The following IRAK3 variants were observed in gnomAD, a reference collection of about 807,000 sequenced individuals.
IRAK3 encodes interleukin-1 receptor-associated kinase 3.
A neutral mutation model predicts 56.6 loss-of-function variants in IRAK3; 57 were observed. The ratio of observed to expected loss-of-function variants is 1.01; its 90% CI spans 0.81 to 1.26. The LOEUF (loss-of-function observed/expected upper bound fraction) is 1.26, where lower values mean the gene tolerates loss of function less well. Among genes scored for constraint, IRAK3 ranks in the 50% most tolerant of loss-of-function variants. The pLI is 0.00. For missense variants in IRAK3, 703 were observed against 719.0 expected (o/e 0.98, Z 0.25); for synonymous variants, 258 against 255.7 (o/e 1.01, Z -0.09).
At chr12:66,191,762 C>T (rs1044308129) in intron 1 of IRAK3, among the ~76,000 whole-genome samples, 13 of 152,180 alleles carry the variant, frequency 8.5e-5, no homozygotes, top group African/African-American at 2.4e-4. Context: ...ACTTGACCTT[C>T]GAGAGGGGAA....
At position 66,203,746 on chromosome 12, in the gene IRAK3, C is replaced by A. The variant is rs756006063; in HGVS notation, c.169C>A (p.His57Asn). 4.3e-6 allele frequency: 7 copies of A among 1,613,926 alleles called. No individual in the cohort carries two copies. In the East Asian group the frequency reaches 1.3e-4, roughly 31 times the overall value. The change falls in exon 2 of 12, where the codon CAT (histidine) becomes AAT (asparagine). Residue 57 changes from histidine to asparagine, a missense_variant. By Grantham distance (68) the His-to-Asn change is moderately conservative. Coordinates refer to ENST00000261233, the MANE Select transcript of IRAK3 (RefSeq NM_007199.3). ...TTCAAGCAGCTGGCTGGATGTTCGT[C>A]ATATTGAAAAGTATGTAGACCAAGG... ...RLSSSWLDVR[H>N]IEKYVDQGKS...
intron 5 of IRAK3, among the ~76,000 whole-genome samples, chr12:66,214,974 T>G (rs1042972375): frequency 1.3e-5 from 2 of 152,206 alleles, no homozygotes; most frequent in Admixed American, 1.3e-4. Context: ...AGTTTGCAGC[T>G]TGCATTACCG....
intron 1 of IRAK3, among the ~76,000 whole-genome samples, chr12:66,199,929 CTT>C (rs955080331): frequency 3.9e-5 from 6 of 152,138 alleles, no homozygotes; most frequent in Admixed American, 3.9e-4. Flanking sequence ...TTTGGATAGT[CTT>C]TGCCTCTGTG....
intron 8 of IRAK3, among the ~76,000 whole-genome samples, chr12:66,235,991 A>G (rs1386317552): frequency 6.6e-6 from 1 of 152,218 alleles, no homozygotes; most frequent in African/African-American, 2.4e-5. Context: ...GTTCCAAAAG[A>G]CAGTCTCAAG....
At chr12:66,246,522 G>A (rs557673947) in intron 11 of IRAK3, among the ~76,000 whole-genome samples, 5 of 152,178 alleles carry the variant, frequency 3.3e-5, no homozygotes, top group Non-Finnish European at 5.9e-5. Context: ...GACACCACCC[G>A]TGAGAGTTGT....
At chr12:66,208,844 T>C (rs1592582192) in intron 2 of IRAK3, among the ~76,000 whole-genome samples, 1 of 150,902 alleles carries the variant, frequency 6.6e-6, no homozygotes, top group Middle Eastern at 3.5e-3. Flanking sequence ...CAGGCAGATC[T>C]CTTGAGGCCA....
At chr12:66,203,924 AATCTGTAATAGG>A in intron 2 of IRAK3, 31 bp downstream of exon 2, 1 of 1,538,402 alleles carries the variant, frequency 6.5e-7, no homozygotes, top group Non-Finnish European at 9.0e-7. Flanking sequence ...TGTGGCTCTT[AATCTGTAATAGG>A]AACTGTAATT....
chr12:66,198,624 C>T (rs961644529), intron 1 of IRAK3, among the ~76,000 whole-genome samples: 17 of 151,786 alleles, frequency 1.1e-4, no homozygotes, highest in South Asian at 4.1e-4. Context: ...GTAGCAGGAA[C>T]GATTTTAGCT....
chr12:66,235,020 T>C, intron 8 of IRAK3: 1 of 1,613,502 alleles, frequency 6.2e-7, no homozygotes, highest in East Asian at 2.2e-5. Context: ...AAAATTGCGT[T>C]TGTGGAGACT....
chr12:66,247,872 A>T lies in IRAK3; in HGVS notation c.1492A>T (p.Ile498Leu), dbSNP rs765356638. 5 of 1,614,092 alleles carry T rather than the reference A, an allele frequency of 3.1e-6. No homozygotes were observed. The highest frequency in any genetic ancestry group is 1.3e-5 in the African/African-American group (1 of 74,924). Reference sequence around the variant, plus strand: ...ACTACCTTCTGATGAAGGCCTGAGGATAGACAGAATGACTCAGAAAACTCC... The same window carrying T: ...ACTACCTTCTGATGAAGGCCTGAGGTTAGACAGAATGACTCAGAAAACTCC... ...NLLPSDEGLR[I>L]DRMTQKTPFE... Residue 498 changes from isoleucine to leucine, a missense_variant, in exon 12 of 12, where the codon ATA (isoleucine) becomes TTA (leucine). By Grantham distance (5) the Ile-to-Leu change is conservative (BLOSUM62 2). Coordinates refer to ENST00000261233, the MANE Select transcript of IRAK3 (RefSeq NM_007199.3).
At chr12:66,212,064 T>C (rs964165783) in intron 5 of IRAK3, among the ~76,000 whole-genome samples, 3 of 151,186 alleles carry the variant, frequency 2.0e-5, no homozygotes, top group African/African-American at 7.3e-5. Context: ...TGAGCCAAGA[T>C]TGCACCACTG....
intron 1 of IRAK3, among the ~76,000 whole-genome samples, chr12:66,193,077 A>G (rs779040516): frequency 1.3e-5 from 2 of 151,908 alleles, no homozygotes; most frequent in African/African-American, 2.4e-5. Flanking sequence ...GCGCAATCTC[A>G]GTTTACCGCA....
Position 66,250,603 on chromosome 12 carries a change from A to T in IRAK3, c.*2432A>T, listed in dbSNP as rs578065929. 6.6e-6 allele frequency: 1 copy of T among 152,124 alleles called. No individual in the cohort carries two copies. Among genetic ancestry groups the T allele is most frequent in the African/African-American group, 2.4e-5 (1 of 41,498 alleles). The allele number at this position is 152,124 out of a possible 1,614,324, so 9.4% of individuals were successfully genotyped here. On this transcript the variant is annotated 3_prime_UTR_variant, in exon 12 of 12. Coordinates refer to ENST00000261233, the MANE Select transcript of IRAK3 (RefSeq NM_007199.3). ...TCACAAAAGAGATCATCAAGAATTG[A>T]CTCTGTGTTAAACTGTTTTTCACTT...
At chr12:66,229,768 A>G (rs1490299508) in intron 8 of IRAK3, among the ~76,000 whole-genome samples, 1 of 152,156 alleles carries the variant, frequency 6.6e-6, no homozygotes, top group Non-Finnish European at 1.5e-5. Flanking sequence ...CACAACCTAA[A>G]ACAATCCCTC....
At chr12:66,195,978 A>C (rs1592574079) in intron 1 of IRAK3, among the ~76,000 whole-genome samples, 2 of 129,620 alleles carry the variant, frequency 1.5e-5, no homozygotes, top group African/African-American at 5.8e-5. Flanking sequence ...TTTAAAATTG[A>C]CACCCCCCCC....
chr12:66,234,307 C>T, intron 8 of IRAK3: 7 of 1,612,810 alleles, frequency 4.3e-6, no homozygotes, highest in Middle Eastern at 2.0e-4. Flanking sequence ...GCTGTAGTGA[C>T]ATGGTGTGCT....
intron 1 of IRAK3, among the ~76,000 whole-genome samples, chr12:66,195,445 C>T (rs1027385321): frequency 1.3e-5 from 2 of 152,274 alleles, no homozygotes; most frequent in African/African-American, 4.8e-5. Context: ...ATTCAGAACC[C>T]TCTGGCGGCT....
At chr12:66,242,844 C>T (rs573540512) in intron 8 of IRAK3, among the ~76,000 whole-genome samples, 1 of 152,286 alleles carries the variant, frequency 6.6e-6, no homozygotes, top group East Asian at 1.9e-4. Context: ...GAGGCCGAGG[C>T]GGGTGGATCA....
At chr12:66,208,625 G>A (rs1377178208) in intron 2 of IRAK3, among the ~76,000 whole-genome samples, 1 of 151,300 alleles carries the variant, frequency 6.6e-6, no homozygotes, top group Non-Finnish European at 1.5e-5. Context: ...GCTGTGCATG[G>A]TGGCAGGGGT....
Sources: gnomAD v4.1 joint callset for allele counts (sites outside exome capture counted in the v4.1 genomes callset) on GRCh38, gnomAD v4.1.1 for gene constraint, MANE v1.5 for transcripts, NCBI Gene and HGNC (gene_info 2026-07-23, HGNC 2026-07-21) for gene names.